The following SEPTIN8 variants were observed in gnomAD, a reference collection of about 807,000 sequenced individuals.
SEPTIN8 encodes the protein septin 8.
Under a neutral mutation model 53.1 loss-of-function variants are expected in SEPTIN8, and 22 were observed. The observed-to-expected ratio is 0.41, with a 90% CI of 0.30 to 0.59. The LOEUF (loss-of-function observed/expected upper bound fraction) is 0.59, where lower values mean the gene tolerates loss of function less well. Ranked by LOEUF, SEPTIN8 falls within the 20% of genes least tolerant of loss-of-function variation. The pLI is 0.24. For missense variants in SEPTIN8, 536 were observed against 638.7 expected (o/e 0.84, Z 1.73); for synonymous variants, 228 against 248.4 (o/e 0.92, Z 0.77).
chr5:132,758,211 G>A, intron 9 of SEPTIN8: 7 of 1,213,380 alleles, frequency 5.8e-6, no homozygotes, highest in Non-Finnish European at 7.2e-6. Flanking sequence ...CATAAGAAAG[G>A]TTTAGCTGTA....
chr5:132,756,454 C>T (rs1187976369), intron 9 of SEPTIN8: 2 of 985,256 alleles, frequency 2.0e-6, no homozygotes, highest in Non-Finnish European at 2.4e-6. Context: ...CCAACATGAT[C>T]CTGTAAGACA....
rs1287331038 is a variant in SEPTIN8 at position 132,757,176 on chromosome 5, A to ATTGT, written c.1286+3622_1286+3625dup. ...ACCCTGTACCTAATTTTATATTAAC[A>ATTGT]TTGTTTTTCTTAAAGAAGTCTTTCT... On this transcript the variant is annotated intron_variant, in intron 9 of 9. Coordinates refer to ENST00000378719, the MANE Select transcript of SEPTIN8 (RefSeq NM_001098811.2). 9.2e-6 allele frequency: 9 copies of ATTGT among 975,440 alleles called. No individual in the cohort carries two copies. In the Admixed American group the frequency reaches 5.5e-4, roughly 60 times the overall value. 60.4% of individuals were successfully genotyped at this position (975,440 alleles called of 1,614,324 possible). A position where few individuals can be genotyped will look rare whatever the true frequency, so the allele number is the denominator to read the frequency against.
rs1423405120 is a variant in SEPTIN8 at position 132,773,567 on chromosome 5, A to G, written c.30+3541T>C. Among the ~76,000 whole-genome samples the G allele has an allele frequency of 6.6e-6, 1 of 152,202 alleles. No homozygotes were observed. Among genetic ancestry groups the G allele is most frequent in the Admixed American group, 6.5e-5 (1 of 15,280 alleles). On this transcript the variant is annotated intron_variant, in intron 1 of 9. Coordinates refer to ENST00000378719, the MANE Select transcript of SEPTIN8 (RefSeq NM_001098811.2). The surrounding 1 kb of genome is among the most constrained non-coding windows in gnomAD (Gnocchi z 4.2). The stretch of plus-strand genomic sequence containing the variant: ...TTGTTCCCCCTACCTTTGCTAGCCA[A>G]TGACCAAAGTCTGCATCCTCACCCA...
At chr5:132,758,371 G>C in intron 9 of SEPTIN8, 1 of 1,418,170 alleles carries the variant, frequency 7.1e-7, no homozygotes. Flanking sequence ...ATTAAAATGA[G>C]GGGAACTGGG....
At chr5:132,768,378 C>T (rs1007403821) in intron 1 of SEPTIN8, among the ~76,000 whole-genome samples, 1 of 152,214 alleles carries the variant, frequency 6.6e-6, no homozygotes, top group African/African-American at 2.4e-5. Flanking sequence ...GTGTTGTTAC[C>T]TGGTCCCAGG....
At position 132,761,723 on chromosome 5, in the gene SEPTIN8, C is replaced by T; in HGVS notation, c.793+77G>A. On this transcript the variant is annotated intron_variant, in intron 6 of 9. Transcript: ENST00000378719. The surrounding 1 kb of genome is among the most constrained non-coding windows in gnomAD (Gnocchi z 5.8). ...GCAGGTGGGCATGAGGAGGAAACAG[C>T]ACAGGGTACTACAGGCAGCAGGGCA... is the stretch of plus-strand genomic sequence containing the variant. 1 of 1,585,934 alleles carries T rather than the reference C, an allele frequency of 6.3e-7. No individual in the cohort carries two copies. The highest frequency in any genetic ancestry group is 1.2e-5 in the South Asian group (1 of 86,098).
chr5:132,756,163 C>T (rs1272049091), intron 9 of SEPTIN8: 3 of 985,312 alleles, frequency 3.0e-6, no homozygotes, highest in African/African-American at 1.7e-5. Context: ...CCTCAGGCCT[C>T]GTATCCATGA....
At chr5:132,779,076 A>G (rs1346705947), upstream of SEPTIN8, among the ~76,000 whole-genome samples, 1 of 152,230 alleles carries the variant, frequency 6.6e-6, no homozygotes, top group African/African-American at 2.4e-5. Flanking sequence ...CTCAGAGTAC[A>G]GGTGACTTCC....
intron 2 of SEPTIN8, 23 bp from the exon 3 acceptor site, chr5:132,764,442 G>A (rs774738827): frequency 6.3e-7 from 1 of 1,591,900 alleles, no homozygotes; most frequent in Admixed American, 1.7e-5. Context: ...GACAGGAGGG[G>A]AAGAAGTGGG....
intron 9 of SEPTIN8, chr5:132,757,046 G>C: frequency 4.1e-6 from 4 of 985,392 alleles, no homozygotes; most frequent in Non-Finnish European, 4.8e-6. Flanking sequence ...GGATATGCCA[G>C]TTTACCTTTT....
chr5:132,752,269 G>T, intron 9 of SEPTIN8, 88 bp from the exon 10 acceptor site: 1 of 1,475,318 alleles, frequency 6.8e-7, no homozygotes, highest in Non-Finnish European at 9.1e-7. Flanking sequence ...ACCCCAAAGG[G>T]GTACCCTTTG....
chr5:132,752,346 T>G (rs147635416), intron 9 of SEPTIN8, 165 bp from the exon 10 acceptor site: 5 of 938,860 alleles, frequency 5.3e-6, no homozygotes, highest in Non-Finnish European at 7.8e-6. Context: ...GGCTAGGCTT[T>G]CCACACTTGG....
rs1754818200 is a variant in SEPTIN8 at position 132,751,237 on chromosome 5, G to A, written c.*779C>T. On this transcript the variant is annotated 3_prime_UTR_variant, in exon 10 of 10. Coordinates refer to ENST00000378719, the MANE Select transcript of SEPTIN8 (RefSeq NM_001098811.2). The stretch of plus-strand genomic sequence containing the variant: ...ATTAACTTTACAAAGATTTTTAGAC[G>A]GCACTATTATGGTGAGTTTCTCTTT... 4.6e-6 allele frequency: 2 copies of A among 431,650 alleles called. No individual in the cohort carries two copies. The highest frequency in any genetic ancestry group is 7.6e-5 in the East Asian group (2 of 26,320). The allele number at this position is 431,650 out of a possible 1,614,324, so 26.7% of individuals were successfully genotyped here.
rs1294188367 is a variant in SEPTIN8 at position 132,777,206 on chromosome 5, G to A, written c.-69C>T. The A allele has an allele frequency of 1.7e-6, 2 of 1,159,026 alleles. No individual in the cohort carries two copies. The highest frequency in any genetic ancestry group is 1.6e-5 in the African/African-American group (1 of 61,504). 71.8% of individuals were successfully genotyped at this position (1,159,026 alleles called of 1,614,324 possible). On this transcript the variant is annotated 5_prime_UTR_variant, in exon 1 of 10. Coordinates refer to ENST00000378719, the MANE Select transcript of SEPTIN8 (RefSeq NM_001098811.2). The surrounding 1 kb of genome is among the most constrained non-coding windows in gnomAD (Gnocchi z 4.1). ...GCAGCGACAGGGACCAGCCGGCTGC[G>A]GGACGCGCTCCGCCCGGGCGGCTGC...
rs776662038 is a variant in SEPTIN8 at position 132,761,570 on chromosome 5, T to C, written c.850A>G (p.Asn284Asp). The change falls in exon 7 of 10, where the codon AAC (asparagine) becomes GAC (aspartate). Residue 284 changes from asparagine (N) to aspartate (D), a missense_variant. Asn to Asp is a conservative substitution (Grantham distance 23). Coordinates refer to ENST00000378719, the MANE Select transcript of SEPTIN8 (RefSeq NM_001098811.2). The surrounding 1 kb of genome is among the most constrained non-coding windows in gnomAD (Gnocchi z 5.8). ...VKLREMLIRV[N>D]MEDLREQTHS... ...GTCTGCTCGCGGAGGTCTTCCATGT[T>C]CACCCGGATCAACATCTCCCGCAGC... 6.2e-7 allele frequency: 1 copy of C among 1,614,042 alleles called. No individual in the cohort carries two copies. Among genetic ancestry groups the C allele is most frequent in the South Asian group, 1.1e-5 (1 of 91,076 alleles).
intron 1 of SEPTIN8, among the ~76,000 whole-genome samples, chr5:132,768,840 G>C (rs1018808923): frequency 2.6e-5 from 4 of 152,226 alleles, no homozygotes; most frequent in African/African-American, 9.6e-5. Flanking sequence ...GGGAGCCAGA[G>C]TCTGCCCTAT....
chr5:132,770,145 GTATA>G lies in SEPTIN8; in HGVS notation c.31-4620_31-4617del, dbSNP rs1218971500. ...TATATGTATATATGTGTATGTGTGT[GTATA>G]TATATATATATATATATGTATATAT... On this transcript the variant is annotated intron_variant, in intron 1 of 9. Transcript: ENST00000378719. Among the ~76,000 whole-genome samples, 37 of 84,910 alleles carry G rather than the reference GTATA, an allele frequency of 4.4e-4. No individual in the cohort carries two copies. The Middle Eastern group carries it at 0.028, about 64-fold the overall frequency. 55.7% of individuals were successfully genotyped at this position (84,910 alleles called of 152,430 possible).
chr5:132,772,712 G>A (rs993827253), intron 1 of SEPTIN8, among the ~76,000 whole-genome samples: 7 of 152,342 alleles, frequency 4.6e-5, no homozygotes, highest in African/African-American at 1.7e-4. Flanking sequence ...GTTGGCAGAG[G>A]TATGGGGGTG....
upstream of SEPTIN8, among the ~76,000 whole-genome samples, chr5:132,779,121 G>T (rs889505709): frequency 2.6e-5 from 4 of 152,196 alleles, no homozygotes. Context: ...CTCTGTAGGA[G>T]TAAACAGGAG....
Sources: gnomAD v4.1 joint callset for allele counts (sites outside exome capture counted in the v4.1 genomes callset) on GRCh38, gnomAD v4.1.1 for gene constraint, Gnocchi (gnomAD v3.1) non-coding constraint, MANE v1.5 for transcripts, NCBI Gene and HGNC (gene_info 2026-07-23, HGNC 2026-07-21) for gene names.